The following XRCC4 variants were observed in gnomAD, a reference collection of about 807,000 sequenced individuals.
The protein encoded by XRCC4 is X-ray repair cross complementing 4.
Under a neutral mutation model 39.1 loss-of-function variants are expected in XRCC4, and 28 were observed. The ratio of observed to expected loss-of-function variants is 0.72; its 90% confidence interval spans 0.53 to 0.98. XRCC4 has a LOEUF of 0.98. XRCC4 is among the 50% of genes least tolerant of loss of function. The probability of loss-of-function intolerance (pLI) is 0.00; values close to 1 mark genes in which losing one functional copy is unlikely to be tolerated. For missense variants in XRCC4, 350 were observed against 376.4 expected (o/e 0.93, Z 0.58); for synonymous variants, 123 against 126.4 (o/e 0.97, Z 0.18).
At chr5:83,177,859 A>G (rs1374057453) in intron 3 of XRCC4, among the ~76,000 whole-genome samples, 1 of 152,206 alleles carries the variant, frequency 6.6e-6, no homozygotes, top group Non-Finnish European at 1.5e-5. Context: ...CAGGATTGAC[A>G]TAATCAGATT....
At chr5:83,181,473 T>TC (rs139194982) in intron 3 of XRCC4, among the ~76,000 whole-genome samples, 69,178 of 151,852 alleles carry the variant, frequency 0.46, 16,205 homozygotes, top group South Asian at 0.52. Context: ...ATGCATCAGT[T>TC]CTTTTTTATG....
intron 6 of XRCC4, among the ~76,000 whole-genome samples, chr5:83,207,562 A>C (rs1381627601): frequency 2.0e-5 from 3 of 152,046 alleles, no homozygotes; most frequent in East Asian, 3.8e-4. Flanking sequence ...CTTCTGCTGC[A>C]AAAAGAAATG....
intron 7 of XRCC4, chr5:83,280,396 G>T: frequency 1.7e-6 from 1 of 585,732 alleles, no homozygotes; most frequent in South Asian, 2.1e-5. Flanking sequence ...TCTTCTCTCT[G>T]AATATTCTTT....
chr5:83,266,800 A>T (rs1719550506), intron 7 of XRCC4, among the ~76,000 whole-genome samples: 1 of 152,146 alleles, frequency 6.6e-6, no homozygotes, highest in Non-Finnish European at 1.5e-5. Flanking sequence ...GTAAATGAAG[A>T]TAAATTATCA....
At chr5:83,145,856 G>T (rs1481197875) in intron 3 of XRCC4, among the ~76,000 whole-genome samples, 1 of 149,020 alleles carries the variant, frequency 6.7e-6, no homozygotes, top group African/African-American at 2.5e-5. Flanking sequence ...GTGCAGTCAG[G>T]TCTTTTTTTT....
At chr5:83,304,179 T>C (rs1488403795) in intron 7 of XRCC4, among the ~76,000 whole-genome samples, 1 of 140,132 alleles carries the variant, frequency 7.1e-6, no homozygotes, top group East Asian at 2.0e-4. Flanking sequence ...TAAACAACTT[T>C]TTTTTTTTTT....
chr5:83,330,162 AG>A (rs1276002413), intron 7 of XRCC4, among the ~76,000 whole-genome samples: 4 of 152,184 alleles, frequency 2.6e-5, no homozygotes, highest in African/African-American at 9.6e-5. Flanking sequence ...AAATATTTAA[AG>A]TTCTGGCAAT....
intron 7 of XRCC4, among the ~76,000 whole-genome samples, chr5:83,276,287 A>T (rs138569786): frequency 5.9e-4 from 90 of 152,296 alleles, no homozygotes; most frequent in African/African-American, 2.1e-3. Context: ...AGGTTAGGCT[A>T]AGCTATGATG....
At chr5:83,358,478 C>T (rs999272800), downstream of XRCC4, among the ~76,000 whole-genome samples, 3 of 152,056 alleles carry the variant, frequency 2.0e-5, no homozygotes, top group African/African-American at 7.2e-5. Flanking sequence ...TCATTTAAAA[C>T]TCTCATTTCA....
Position 83,080,041 on chromosome 5 carries a change from CAG to C in XRCC4, c.-11+2428_-11+2429del, listed in dbSNP as rs919179123. ...AAATGTTTGGCATACAGTAAGCACT[CAG>C]AAAGTGTTGGCTATTACTGTGCATG... On this transcript the variant is annotated intron_variant, in intron 1 of 7. Transcript: ENST00000396027. Among the ~76,000 whole-genome samples, 7 of 152,214 alleles carry C rather than the reference CAG, an allele frequency of 4.6e-5. No individual in the cohort carries two copies. In the South Asian group the frequency reaches 8.3e-4, roughly 18 times the overall value.
At chr5:83,162,952 CTT>C (rs754386080) in intron 3 of XRCC4, among the ~76,000 whole-genome samples, 1 of 125,212 alleles carries the variant, frequency 8.0e-6, no homozygotes. Flanking sequence ...TTCTTTCTTT[CTT>C]TTTTTTTTTT....
chr5:83,161,945 C>T (rs1316977210), intron 3 of XRCC4, among the ~76,000 whole-genome samples: 1 of 152,082 alleles, frequency 6.6e-6, no homozygotes, highest in East Asian at 1.9e-4. Context: ...GCAGGCAGGT[C>T]ACAAGGTCAG....
At chr5:83,150,778 C>T (rs1580296167) in intron 3 of XRCC4, among the ~76,000 whole-genome samples, 1 of 152,120 alleles carries the variant, frequency 6.6e-6, no homozygotes, top group East Asian at 1.9e-4. Flanking sequence ...ATTGGATTTA[C>T]TATGGCTTGA....
intron 6 of XRCC4, among the ~76,000 whole-genome samples, chr5:83,230,300 TG>T (rs1752449689): frequency 6.6e-6 from 1 of 152,050 alleles, no homozygotes. Context: ...ATCTGAAGGT[TG>T]TTTTTCAAGA....
At chr5:83,200,991 G>A (rs1020980104) in intron 4 of XRCC4, among the ~76,000 whole-genome samples, 9 of 151,798 alleles carry the variant, frequency 5.9e-5, no homozygotes, top group Non-Finnish European at 8.8e-5. Context: ...AACATCTTTC[G>A]TGTACTTCTT....
At chr5:83,331,906 G>T (rs1237149820) in intron 7 of XRCC4, among the ~76,000 whole-genome samples, 1 of 152,062 alleles carries the variant, frequency 6.6e-6, no homozygotes, top group African/African-American at 2.4e-5. Flanking sequence ...CCAAGTACCC[G>T]TTTTTGTATT....
chr5:83,148,079 A>G (rs1303296484), intron 3 of XRCC4, among the ~76,000 whole-genome samples: 1 of 152,166 alleles, frequency 6.6e-6, no homozygotes, highest in East Asian at 1.9e-4. Flanking sequence ...TATGTGATAA[A>G]TCTATCAACT....
intron 6 of XRCC4, among the ~76,000 whole-genome samples, chr5:83,235,431 G>A (rs1174107845): frequency 6.6e-6 from 1 of 151,420 alleles, no homozygotes; most frequent in African/African-American, 2.4e-5. Flanking sequence ...AATAAATGTG[G>A]TATGTTGTAT....
chr5:83,219,499 A>C (rs1751998939), intron 6 of XRCC4, among the ~76,000 whole-genome samples: 1 of 152,196 alleles, frequency 6.6e-6, no homozygotes, highest in Admixed American at 6.5e-5. Flanking sequence ...GTTAAAAGGG[A>C]ACTGAAGTCT....
Sources: gnomAD v4.1 joint callset for allele counts (sites outside exome capture counted in the v4.1 genomes callset) on GRCh38, gnomAD v4.1.1 for gene constraint, MANE v1.5 for transcripts, NCBI Gene and HGNC (gene_info 2026-07-23, HGNC 2026-07-21) for gene names.